ADAM12: variants seen among roughly 807,000 people sequenced by gnomAD.
ADAM12 encodes disintegrin and metalloproteinase domain-containing protein 12.
ADAM12 carries 70 observed loss-of-function variants against 106.4 expected under a neutral mutation model. The observed-to-expected ratio is 0.66, with a 90% CI of 0.54 to 0.80. The LOEUF is 0.80. Ranked by LOEUF, ADAM12 falls within the 30% of genes least tolerant of loss-of-function variation. The probability of loss-of-function intolerance (pLI) is 0.00; values close to 1 mark genes in which losing one functional copy is unlikely to be tolerated. For missense variants in ADAM12, 1,010 were observed against 1,171.9 expected (o/e 0.86, Z 2.02); for synonymous variants, 420 against 433.5 (o/e 0.97, Z 0.39).
chr10:126,244,907 G>A (rs1227545785), intron 3 of ADAM12, among the ~76,000 whole-genome samples: 1 of 152,182 alleles, frequency 6.6e-6, no homozygotes, highest in Admixed American at 6.5e-5. Context: ...ACCAAGCAAA[G>A]GAGAAAATGG....
At chr10:126,247,297 T>A (rs1391446643) in intron 3 of ADAM12, among the ~76,000 whole-genome samples, 1 of 152,206 alleles carries the variant, frequency 6.6e-6, no homozygotes, top group African/African-American at 2.4e-5. Context: ...TATCACTGCA[T>A]AAAATGTTTA....
In ADAM12 at chr10:126,039,421, C is replaced by T. The variant is rs750102403; in HGVS notation, c.2113G>A (p.Gly705Ser). The T allele has an allele frequency of 3.1e-6, 5 of 1,613,952 alleles. No homozygotes were observed. The African/African-American group carries it at 5.3e-5, about 17-fold the overall frequency. Residue 705 changes from glycine (G) to serine (S), a missense_variant, in exon 19 of 23, where the codon GGT becomes AGT. Physicochemically the swap from Gly to Ser is moderately conservative, Grantham distance 56. This residue lies in a region of ADAM12 where 615 missense variants were observed against 708.5 expected (regional missense o/e 0.87). Transcript: ENST00000448723. ...SGPIRQADNQGLTIGILVTIL... is the reference protein window; with the variant it reads ...SGPIRQADNQSLTIGILVTIL... ...GTCACCAGAATTCCTATGGTTAAACCTTGGTTATCTGAAACAAAACACATG... is the reference window on the plus strand; with the variant it reads ...GTCACCAGAATTCCTATGGTTAAACTTTGGTTATCTGAAACAAAACACATG...
chr10:126,177,060 A>ACG (rs1554981935), intron 3 of ADAM12, among the ~76,000 whole-genome samples: 2 of 150,082 alleles, frequency 1.3e-5, no homozygotes, highest in Admixed American at 6.7e-5. Flanking sequence ...ACACACACGC[A>ACG]CACACACACG....
At chr10:126,228,678 C>T (rs1281060145) in intron 3 of ADAM12, among the ~76,000 whole-genome samples, 1 of 152,110 alleles carries the variant, frequency 6.6e-6, no homozygotes, top group African/African-American at 2.4e-5. Context: ...TGTCCTTCCT[C>T]CTGGAGCTTT....
chr10:126,351,128 C>A (rs1420404421), intron 1 of ADAM12, among the ~76,000 whole-genome samples: 1 of 152,202 alleles, frequency 6.6e-6, no homozygotes, highest in Non-Finnish European at 1.5e-5. Flanking sequence ...GTGCCCTCAG[C>A]CCGGAGGCCC....
At chr10:126,239,439 C>T (rs749899808) in intron 3 of ADAM12, among the ~76,000 whole-genome samples, 3 of 152,094 alleles carry the variant, frequency 2.0e-5, no homozygotes, top group Non-Finnish European at 4.4e-5. Flanking sequence ...TAAAATCTGT[C>T]TTGGATTTTT....
At chr10:126,084,424 G>A (rs901512574) in intron 11 of ADAM12, among the ~76,000 whole-genome samples, 4 of 152,132 alleles carry the variant, frequency 2.6e-5, no homozygotes, top group Non-Finnish European at 4.4e-5. Flanking sequence ...AATTTGTGTG[G>A]GGGTTGTTGG....
In ADAM12 at chr10:126,223,442, C is replaced by A. The variant is rs59460190; in HGVS notation, c.260+55473G>T. ...TGCTGTCTGCCTTTGCCATACATAA[C>A]ACACACAATAAAATGAAGAACAACC... is the stretch of plus-strand genomic sequence containing the variant. On this transcript the variant is annotated intron_variant, in intron 3 of 22. Coordinates refer to ENST00000448723, the MANE Select transcript of ADAM12 (RefSeq NM_001288973.2). Among the ~76,000 whole-genome samples, 732 of 152,316 alleles carry A rather than the reference C, an allele frequency of 4.8e-3. 6 individuals carry two copies. Among genetic ancestry groups the A allele is most frequent in the African/African-American group, 0.015 (609 of 41,568 alleles).
rs188154860 is a variant in ADAM12 at position 126,286,418 on chromosome 10, A to T, written c.187-7430T>A. Among the ~76,000 whole-genome samples the T allele has an allele frequency of 1.2e-4, 18 of 152,294 alleles. 1 individual carries two copies. The highest frequency in any genetic ancestry group is 2.0e-4 in the Admixed American group (3 of 15,294). On this transcript the variant is annotated intron_variant, in intron 2 of 22. Coordinates refer to ENST00000448723, the MANE Select transcript of ADAM12 (RefSeq NM_001288973.2). ...GCCAAAGTCATTCATCTCAACCATC[A>T]ATACTGGAAGCTCAGAGGGATCTAA...
intron 5 of ADAM12, among the ~76,000 whole-genome samples, chr10:126,131,325 G>T (rs1956301582): frequency 6.6e-6 from 1 of 151,944 alleles, no homozygotes; most frequent in Non-Finnish European, 1.5e-5. Context: ...AGAGCCACTG[G>T]GATGTGTTTA....
intron 1 of ADAM12, among the ~76,000 whole-genome samples, chr10:126,358,100 C>A (rs572046100): frequency 6.6e-6 from 1 of 151,800 alleles, no homozygotes; most frequent in Non-Finnish European, 1.5e-5. Context: ...ATGGCATGAA[C>A]CCCGGGGGGT....
intron 5 of ADAM12, among the ~76,000 whole-genome samples, chr10:126,129,181 T>G (rs538350290): frequency 1.3e-5 from 2 of 152,324 alleles, no homozygotes; most frequent in South Asian, 4.1e-4. Context: ...GATGAAGACT[T>G]GGGGCTCATT....
At chr10:126,371,922 G>A (rs1235966036) in intron 1 of ADAM12, among the ~76,000 whole-genome samples, 3 of 152,192 alleles carry the variant, frequency 2.0e-5, no homozygotes, top group Admixed American at 1.3e-4. Flanking sequence ...AGCCCACAGT[G>A]AGTCCCATAT....
chr10:126,378,180 A>G (rs1193337125), intron 1 of ADAM12, among the ~76,000 whole-genome samples: 1 of 152,218 alleles, frequency 6.6e-6, no homozygotes. Flanking sequence ...ATAGGTAACC[A>G]GAGCTCTCCA....
chr10:126,313,891 C>T (rs1199222522), intron 2 of ADAM12, among the ~76,000 whole-genome samples: 1 of 151,986 alleles, frequency 6.6e-6, no homozygotes. Context: ...ATTACAGCAA[C>T]CAAGCGAGTG....
At chr10:126,077,796 C>G (rs1955131517) in intron 11 of ADAM12, among the ~76,000 whole-genome samples, 1 of 152,088 alleles carries the variant, frequency 6.6e-6, no homozygotes, top group South Asian at 2.1e-4. Context: ...ACTCCAAACC[C>G]TTATTCCCCC....
chr10:126,086,680 AATATATATATATATAT>A (rs1210379675), intron 11 of ADAM12, among the ~76,000 whole-genome samples: 1 of 24,272 alleles, frequency 4.1e-5, no homozygotes, highest in African/African-American at 3.3e-4. Flanking sequence ...AAAAAAAAAA[AATATATATATATATAT>A]ATATATATAT....
intron 10 of ADAM12, among the ~76,000 whole-genome samples, chr10:126,095,957 G>C (rs911375538): frequency 5.3e-5 from 8 of 152,246 alleles, no homozygotes. Context: ...ATAAAAGTGT[G>C]CTCATGTAAG....
At chr10:126,133,741 C>T (rs894612472) in intron 5 of ADAM12, among the ~76,000 whole-genome samples, 5 of 152,198 alleles carry the variant, frequency 3.3e-5, no homozygotes, top group African/African-American at 1.2e-4. Context: ...TTTCTCTCTA[C>T]TGCCTCCCTG....
Sources: allele counts gnomAD v4.1 joint callset (sites outside exome capture counted in the v4.1 genomes callset), GRCh38; gene constraint gnomAD v4.1.1; regional missense constraint gnomAD v4.1.1; transcripts MANE v1.5; gene names NCBI Gene and HGNC (gene_info 2026-07-23, HGNC 2026-07-21).